The following HDAC9 variants were observed in gnomAD, a reference collection of about 807,000 sequenced individuals.
HDAC9 encodes the protein histone deacetylase 9.
HDAC9 carries 41 observed loss-of-function variants against 139.4 expected under a neutral mutation model. The observed-to-expected ratio is 0.29, with a 90% CI of 0.23 to 0.38. The LOEUF (loss-of-function observed/expected upper bound fraction) is 0.38. Ranked by LOEUF, HDAC9 falls within the 10% of genes least tolerant of loss-of-function variation. The probability of loss-of-function intolerance (pLI) is 1.00; values close to 1 mark genes in which losing one functional copy is unlikely to be tolerated. For missense variants in HDAC9, 1,147 were observed against 1,297.0 expected (o/e 0.88, Z 1.78); for synonymous variants, 517 against 476.2 (o/e 1.09, Z -1.12).
chr7:18,961,548 C>T (rs941232637), intron 24 of HDAC9, among the ~76,000 whole-genome samples: 1 of 152,118 alleles, frequency 6.6e-6, no homozygotes, highest in Admixed American at 6.6e-5. Context: ...AGGCAGTATC[C>T]TCCGGAATAT....
intron 2 of HDAC9, among the ~76,000 whole-genome samples, chr7:18,181,685 G>A (rs549728671): frequency 1.3e-5 from 2 of 152,060 alleles, no homozygotes; most frequent in Non-Finnish European, 2.9e-5. Context: ...TCAATAGCAG[G>A]CCTTTACAAA....
chr7:18,441,294 A>G (rs1791732826), intron 1 of HDAC9, among the ~76,000 whole-genome samples: 2 of 152,172 alleles, frequency 1.3e-5, no homozygotes, highest in South Asian at 4.1e-4. Context: ...CCCACATCAC[A>G]TGTCAGCTTT....
intron 21 of HDAC9, among the ~76,000 whole-genome samples, chr7:18,859,876 G>A (rs1797983599): frequency 7.2e-6 from 1 of 138,664 alleles, no homozygotes; most frequent in South Asian, 2.3e-4. Flanking sequence ...GAATGAGAGA[G>A]AGAGAAATAT....
intron 2 of HDAC9, among the ~76,000 whole-genome samples, chr7:18,545,899 A>T (rs1372333857): frequency 3.9e-5 from 6 of 152,140 alleles, no homozygotes; most frequent in African/African-American, 1.2e-4. Context: ...GAAAAGAATA[A>T]AGCTTGACTT....
At chr7:18,453,901 A>G (rs1793112433) in intron 1 of HDAC9, among the ~76,000 whole-genome samples, 1 of 152,136 alleles carries the variant, frequency 6.6e-6, no homozygotes, top group African/African-American at 2.4e-5. Flanking sequence ...AAGGGAAGGG[A>G]CTCAGGAGCC....
At chr7:18,830,949 G>C (rs1181627630) in intron 19 of HDAC9, among the ~76,000 whole-genome samples, 1 of 152,220 alleles carries the variant, frequency 6.6e-6, no homozygotes, top group Non-Finnish European at 1.5e-5. Flanking sequence ...TGCATAATTT[G>C]TAAGATATTA....
chr7:18,090,572 G>A (rs1782078974), intron 1 of HDAC9, among the ~76,000 whole-genome samples: 1 of 152,176 alleles, frequency 6.6e-6, no homozygotes. Context: ...AAGTTTATCA[G>A]CACAGTTGTC....
chr7:18,899,504 C>T (rs1160894724), intron 22 of HDAC9: 1 of 151,838 alleles, frequency 6.6e-6, no homozygotes, highest in Non-Finnish European at 1.5e-5. Flanking sequence ...AACTATGTAA[C>T]AATTAAATAG....
rs148010570 is a variant in HDAC9 at position 18,992,820 on chromosome 7, AT to A, written c.3171-3201del. 7.2e-3 allele frequency among the ~76,000 whole-genome samples: 1,096 copies of A among 152,288 alleles called. 7 individuals carry two copies. Among genetic ancestry groups the A allele is most frequent in the African/African-American group, 0.025 (1,046 of 41,556 alleles). On this transcript the variant is annotated intron_variant, in intron 25 of 25. Coordinates refer to ENST00000686413, the MANE Select transcript of HDAC9 (RefSeq NM_178425.4). ...GAAAACTATCAGTGTTCACTGTGAC[AT>A]TGACTTGCTGGAGGGAAGCTTATGT...
chr7:18,648,132 C>T lies in HDAC9; in HGVS notation c.1249+134C>T, dbSNP rs143553975. 2.0e-3 allele frequency: 1,436 copies of T among 710,386 alleles called. 13 individuals carry two copies. In the African/African-American group the frequency reaches 0.023, roughly 12 times the overall value. The allele number at this position is 710,386 out of a possible 1,614,324, so 44.0% of individuals were successfully genotyped here. A position where few individuals can be genotyped will look rare whatever the true frequency, so the allele number is the denominator to read the frequency against. On this transcript the variant is annotated intron_variant, in intron 10 of 25. Coordinates refer to ENST00000686413, the MANE Select transcript of HDAC9 (RefSeq NM_178425.4). ...ACAAAAGTTTCCCTGATACCTGGTA[C>T]TGTGGGAAAGGCTATCATCTTTATT...
At chr7:18,792,788 C>T (rs901156866) in intron 16 of HDAC9, among the ~76,000 whole-genome samples, 2 of 152,198 alleles carry the variant, frequency 1.3e-5, no homozygotes, top group Non-Finnish European at 2.9e-5. Flanking sequence ...ACCACACACT[C>T]CTTCCATTTA....
intron 1 of HDAC9, among the ~76,000 whole-genome samples, chr7:18,156,651 GA>G (rs1369384038): frequency 6.6e-6 from 1 of 152,168 alleles, no homozygotes; most frequent in Non-Finnish European, 1.5e-5. Context: ...TCCCTGAACT[GA>G]AGAACATAGT....
At chr7:18,271,193 T>C (rs746638624) in intron 2 of HDAC9, among the ~76,000 whole-genome samples, 9 of 152,168 alleles carry the variant, frequency 5.9e-5, no homozygotes, top group Non-Finnish European at 1.0e-4. Flanking sequence ...GAAGAAAACA[T>C]AGATGTTGCA....
At chr7:18,808,129 G>A (rs775112379) in intron 17 of HDAC9, 4 of 152,144 alleles carry the variant, frequency 2.6e-5, no homozygotes, top group African/African-American at 2.4e-5. Flanking sequence ...ATTGAGGAAC[G>A]TCATCCTCTT....
chr7:18,453,810 A>G (rs901858670), intron 1 of HDAC9, among the ~76,000 whole-genome samples: 1 of 152,196 alleles, frequency 6.6e-6, no homozygotes, highest in Admixed American at 6.6e-5. Flanking sequence ...ATTTATAAAT[A>G]TGATCTAAAT....
chr7:18,315,310 A>T (rs1364237374), intron 1 of HDAC9, among the ~76,000 whole-genome samples: 2 of 151,474 alleles, frequency 1.3e-5, no homozygotes, highest in African/African-American at 4.8e-5. Flanking sequence ...TTAACATCTC[A>T]TGAGGTGGGC....
At chr7:18,918,449 G>A (rs1803405967) in intron 22 of HDAC9, among the ~76,000 whole-genome samples, 2 of 151,978 alleles carry the variant, frequency 1.3e-5, no homozygotes. Flanking sequence ...TATTATTCTA[G>A]AAATATTTTA....
intron 1 of HDAC9, among the ~76,000 whole-genome samples, chr7:18,332,897 A>G (rs567979670): frequency 1.7e-4 from 26 of 151,664 alleles, no homozygotes; most frequent in African/African-American, 6.3e-4. Flanking sequence ...TCTTTGACAG[A>G]AATATTCTAC....
At chr7:18,725,691 G>T (rs1294240363) in intron 12 of HDAC9, among the ~76,000 whole-genome samples, 3 of 152,148 alleles carry the variant, frequency 2.0e-5, no homozygotes, top group African/African-American at 7.2e-5. Context: ...AGGAATTGTA[G>T]ATCATATGTG....
Sources: gnomAD v4.1 joint callset for allele counts (sites outside exome capture counted in the v4.1 genomes callset) on GRCh38, gnomAD v4.1.1 for gene constraint, MANE v1.5 for transcripts, NCBI Gene and HGNC (gene_info 2026-07-23, HGNC 2026-07-21) for gene names.